The following PPP1R1A variants were observed in gnomAD, a reference collection of about 807,000 sequenced individuals.
The protein encoded by PPP1R1A is protein phosphatase 1 regulatory subunit 1A.
PPP1R1A carries 18 observed loss-of-function variants against 23.9 expected under a neutral mutation model. The observed-to-expected ratio is 0.75, with a 90% CI of 0.52 to 1.12. The LOEUF is 1.12. PPP1R1A is among the 50% of genes most tolerant of loss of function. The pLI is 0.00. For missense variants in PPP1R1A, 207 were observed against 223.8 expected, an observed-to-expected ratio of 0.92 and a Z score of 0.48; for synonymous variants, 84 against 80.7, an observed-to-expected ratio of 1.04 and a Z score of -0.22.
chr12:54,579,334 C>T lies in PPP1R1A; in HGVS notation c.*1053G>A. 4 of 863,070 alleles carry T rather than the reference C, an allele frequency of 4.6e-6. No individual in the cohort carries two copies. The highest frequency in any genetic ancestry group is 5.2e-6 in the Non-Finnish European group (4 of 770,554). The allele number at this position is 863,070 out of a possible 1,614,324, so 53.5% of individuals were successfully genotyped here. A position where few individuals can be genotyped will look rare whatever the true frequency, so the allele number is the denominator to read the frequency against. On this transcript the variant is annotated 3_prime_UTR_variant, in exon 7 of 7. Transcript: ENST00000257905. The stretch of plus-strand genomic sequence containing the variant: ...GATAAAATCTGGGTGAGGCGTTCTC[C>T]CTCATATATATATATATATATATTT...
chr12:54,581,888 A>G lies in PPP1R1A; in HGVS notation c.403+88T>C, dbSNP rs2121203223. The G allele has an allele frequency of 6.8e-7, 1 of 1,473,712 alleles. No individual in the cohort carries two copies. The highest frequency in any genetic ancestry group is 9.1e-7 in the Non-Finnish European group (1 of 1,099,952). The allele number at this position is 1,473,712 out of a possible 1,614,324, so 91.3% of individuals were successfully genotyped here. ...ACTACTAGGCCTCTCCCAGGCTCCAACTCTTTCCCCTCCCCGCAGTGGGTA... is the reference window on the plus strand; with the variant it reads ...ACTACTAGGCCTCTCCCAGGCTCCAGCTCTTTCCCCTCCCCGCAGTGGGTA... On this transcript the variant is annotated intron_variant, in intron 5 of 6. Transcript: ENST00000257905. This position sits in a 1 kb window ranked among gnomAD's most constrained non-coding sequence, Gnocchi z 4.1.
At chr12:54,586,796 C>T (rs935771693) in intron 1 of PPP1R1A, among the ~76,000 whole-genome samples, 1 of 152,170 alleles carries the variant, frequency 6.6e-6, no homozygotes, top group African/African-American at 2.4e-5. Context: ...TACCCACCTA[C>T]TACACCTGCC....
Position 54,583,160 on chromosome 12 carries a change from A to C in PPP1R1A, c.183+51T>G, listed in dbSNP as rs375365223. ...GCAGGGTTTTAAGGAATAATCCCCT[A>C]ATGAATGTGGGGGTTTTTTGGGCTG... On this transcript the variant is annotated intron_variant, in intron 3 of 6. Transcript: ENST00000257905. The C allele has an allele frequency of 2.2e-4, 329 of 1,522,080 alleles. No homozygotes were observed. The African/African-American group carries it at 3.4e-3, about 16-fold the overall frequency. 94.3% of individuals were successfully genotyped at this position (1,522,080 alleles called of 1,614,324 possible).
At position 54,579,926 on chromosome 12, in the gene PPP1R1A, G is replaced by A. The variant is rs1010314825; in HGVS notation, c.*461C>T. On this transcript the variant is annotated 3_prime_UTR_variant, in exon 7 of 7. Transcript: ENST00000257905. ...CCACCGCACAGTCACAGCTGGACAC[G>A]GCACAGGCCTTAGAGCGCCGAGTCT... 1.1e-5 allele frequency: 11 copies of A among 988,718 alleles called. No individual in the cohort carries two copies. The highest frequency in any genetic ancestry group is 1.7e-5 in the African/African-American group (1 of 57,324). The allele number at this position is 988,718 out of a possible 1,614,324, so 61.2% of individuals were successfully genotyped here.
intron 6 of PPP1R1A, 124 bp downstream of exon 6, chr12:54,580,820 T>A: frequency 2.3e-6 from 2 of 872,688 alleles, no homozygotes; most frequent in Admixed American, 1.7e-5. Flanking sequence ...AAAGAATAAC[T>A]TTTTAGGGAC....
chr12:54,584,875 C>T (rs1455094752), intron 1 of PPP1R1A, among the ~76,000 whole-genome samples: 1 of 152,124 alleles, frequency 6.6e-6, no homozygotes, highest in East Asian at 1.9e-4. Flanking sequence ...TGTTCTGTCT[C>T]TCCACCTCCC....
Position 54,579,368 on chromosome 12 carries a change from A to G in PPP1R1A, c.*1019T>C. On this transcript the variant is annotated 3_prime_UTR_variant, in exon 7 of 7. Transcript: ENST00000257905. ...TATATATATATATATTTAGGTATGT[A>G]TCTGGGCAAGCTGAGGCCCAGGAGG... 5.1e-6 allele frequency: 5 copies of G among 984,626 alleles called. No individual in the cohort carries two copies. The highest frequency in any genetic ancestry group is 6.0e-6 in the Non-Finnish European group (5 of 829,524). 61.0% of individuals were successfully genotyped at this position (984,626 alleles called of 1,614,324 possible).
chr12:54,587,168 A>G (rs1160133843), intron 1 of PPP1R1A, among the ~76,000 whole-genome samples: 1 of 152,216 alleles, frequency 6.6e-6, no homozygotes, highest in African/African-American at 2.4e-5. Context: ...CTGAAGTGGT[A>G]GGGAGAGTGT....
chr12:54,583,131 G>C (rs1159037586), intron 3 of PPP1R1A, 80 bp downstream of exon 3: 1 of 1,421,804 alleles, frequency 7.0e-7, no homozygotes, highest in Non-Finnish European at 9.5e-7. Context: ...CCTAGAGATG[G>C]GCGGCAGGGT....
chr12:54,588,309 T>C, intron 1 of PPP1R1A, 96 bp downstream of exon 1: 1 of 631,572 alleles, frequency 1.6e-6, no homozygotes, highest in Non-Finnish European at 2.2e-6. Flanking sequence ...GGCGCACTGC[T>C]AAGGGAGGAC....
At position 54,582,140 on chromosome 12, in the gene PPP1R1A, AC is replaced by A. The variant is rs767593290; in HGVS notation, c.248-10del. 1.2e-5 allele frequency: 20 copies of A among 1,610,568 alleles called. No homozygotes were observed. The South Asian group carries it at 2.0e-4, about 16-fold the overall frequency. On this transcript the variant is annotated splice_polypyrimidine_tract_variant and intron_variant, in intron 4 of 6. Coordinates refer to ENST00000257905, the MANE Select transcript of PPP1R1A (RefSeq NM_006741.4). ...AACCATCATCTGGAGCTCTGGGGAC[AC>A]AGAGAAAGGGAGGGAACACTGGATA... is the stretch of plus-strand genomic sequence containing the variant.
At chr12:54,583,064 T>C (rs1167028152) in intron 3 of PPP1R1A, 147 bp downstream of exon 3, 8 of 791,358 alleles carry the variant, frequency 1.0e-5, no homozygotes, top group African/African-American at 1.8e-5. Flanking sequence ...CATGTGTATA[T>C]GTTCACTCAT....
At chr12:54,585,691 G>A (rs1375166887) in intron 1 of PPP1R1A, among the ~76,000 whole-genome samples, 1 of 152,074 alleles carries the variant, frequency 6.6e-6, no homozygotes, top group Non-Finnish European at 1.5e-5. Flanking sequence ...TGGCCGTGGG[G>A]GGATGACAGA....
Position 54,588,451 on chromosome 12 carries a change from G to C in PPP1R1A, c.38C>G (p.Thr13Arg). ...AAGGTGCGGCTCCAGCAGCGGGACC[G>C]TGAACTGGATCTTTCGGGGGCTGTT... The part of the protein sequence containing the change: ...QDNSPRKIQF[T>R]VPLLEPHLDP... The change falls in exon 1 of 7, where the codon ACG (threonine) becomes AGG (arginine). Residue 13 changes from threonine (T) to arginine (R), a missense_variant. Thr to Arg is a moderately conservative substitution (Grantham distance 71, BLOSUM62 -1). Coordinates refer to ENST00000257905, the MANE Select transcript of PPP1R1A (RefSeq NM_006741.4). The C allele has an allele frequency of 6.7e-7, 1 of 1,487,506 alleles. No individual in the cohort carries two copies. The highest frequency in any genetic ancestry group is 9.0e-7 in the Non-Finnish European group (1 of 1,113,282). The allele number at this position is 1,487,506 out of a possible 1,614,324, so 92.1% of individuals were successfully genotyped here.
rs1442352967 is a variant in PPP1R1A at position 54,580,970 on chromosome 12, G to T, written c.484C>A (p.Pro162Thr). Reference protein sequence around the residue: ...STKEPSTHIPPLDSKGANSV With the variant: ...STKEPSTHIPTLDSKGANSV ...GAGTTGGCTCCCTTGGAATCCAGTG[G>T]TGGTATATGGGTTGAGGGTTCTTTT... The change falls in exon 6 of 7, where the codon CCA (proline) becomes ACA (threonine). Residue 162 changes from proline to threonine, a missense_variant. By Grantham distance (38) the Pro-to-Thr change is conservative. Coordinates refer to ENST00000257905, the MANE Select transcript of PPP1R1A (RefSeq NM_006741.4). The T allele has an allele frequency of 2.5e-6, 4 of 1,613,886 alleles. No individual in the cohort carries two copies. The highest frequency in any genetic ancestry group is 1.6e-4 in the Middle Eastern group (1 of 6,062).
intron 6 of PPP1R1A, 114 bp from the exon 7 acceptor site, chr12:54,580,506 C>G: frequency 9.2e-7 from 1 of 1,082,688 alleles, no homozygotes; most frequent in Non-Finnish European, 1.4e-6. Context: ...AAAGCTTGTT[C>G]TGATGTCTGA....
intron 6 of PPP1R1A, 49 bp downstream of exon 6, chr12:54,580,895 A>G (rs746165250): frequency 6.9e-7 from 1 of 1,453,466 alleles, no homozygotes; most frequent in Admixed American, 1.7e-5. Context: ...TTTGTCCACA[A>G]TATTAGCCTC....
At chr12:54,582,916 CT>C in intron 3 of PPP1R1A, 121 bp from the exon 4 acceptor site, 2 of 1,104,976 alleles carry the variant, frequency 1.8e-6, no homozygotes, top group Non-Finnish European at 1.3e-6. Flanking sequence ...CCTTGCCAGG[CT>C]TTTGGATTGG....
intron 1 of PPP1R1A, among the ~76,000 whole-genome samples, chr12:54,587,531 C>G (rs1266099561): frequency 6.6e-6 from 1 of 152,226 alleles, no homozygotes; most frequent in Non-Finnish European, 1.5e-5. Flanking sequence ...CTTGCTCACA[C>G]ACTCTCATAC....
Sources: gnomAD v4.1 joint callset for allele counts (sites outside exome capture counted in the v4.1 genomes callset) on GRCh38, gnomAD v4.1.1 for gene constraint, Gnocchi (gnomAD v3.1) non-coding constraint, MANE v1.5 for transcripts, NCBI Gene and HGNC (gene_info 2026-07-23, HGNC 2026-07-21) for gene names.